The following GALNT18 variants were observed in gnomAD, a reference collection of about 807,000 sequenced individuals.
GALNT18 encodes the protein polypeptide N-acetylgalactosaminyltransferase 18.
GALNT18 carries 44 observed loss-of-function variants against 69.5 expected under a neutral mutation model. The ratio of observed to expected loss-of-function variants is 0.63; its 90% CI spans 0.50 to 0.81. The LOEUF is 0.81. Ranked by LOEUF, GALNT18 falls within the 40% of genes least tolerant of loss-of-function variation. The pLI, the probability that GALNT18 is intolerant of heterozygous loss-of-function variation, is 0.00. For synonymous variants in GALNT18, 364 were observed against 318.2 expected (o/e 1.14, Z -1.53); for missense variants, 715 against 810.0 (o/e 0.88, Z 1.42).
chr11:11,329,345 A>G (rs781245728), intron 8 of GALNT18, among the ~76,000 whole-genome samples: 1 of 152,062 alleles, frequency 6.6e-6, no homozygotes, highest in Non-Finnish European at 1.5e-5. Flanking sequence ...CATATGTCTC[A>G]CCTAATTCTC....
intron 10 of GALNT18, among the ~76,000 whole-genome samples, chr11:11,288,196 A>T (rs943371954): frequency 2.0e-5 from 3 of 152,124 alleles, no homozygotes; most frequent in Non-Finnish European, 4.4e-5. Context: ...AATGGCTTTC[A>T]ACAACCATCA....
At chr11:11,411,914 G>A (rs1056931550) in intron 3 of GALNT18, among the ~76,000 whole-genome samples, 6 of 152,160 alleles carry the variant, frequency 3.9e-5, no homozygotes, top group Non-Finnish European at 5.9e-5. Flanking sequence ...CACCCATATC[G>A]GTCAGCCACT....
chr11:11,479,803 A>T (rs908359706), intron 1 of GALNT18, among the ~76,000 whole-genome samples: 1 of 152,044 alleles, frequency 6.6e-6, no homozygotes, highest in Non-Finnish European at 1.5e-5. Context: ...TTGTGGACCA[A>T]TGTTTTCTTC....
intron 10 of GALNT18, among the ~76,000 whole-genome samples, chr11:11,273,561 T>C (rs1831780103): frequency 6.6e-6 from 1 of 152,176 alleles, no homozygotes; most frequent in South Asian, 2.1e-4. Context: ...GGTGAGGATG[T>C]AGAGAAAAGG....
chr11:11,493,534 TAAG>T (rs1373448996), intron 1 of GALNT18, among the ~76,000 whole-genome samples: 1 of 152,206 alleles, frequency 6.6e-6, no homozygotes, highest in Non-Finnish European at 1.5e-5. Flanking sequence ...GAGGAATTGT[TAAG>T]AGAATTACGG....
At position 11,562,363 on chromosome 11, in the gene GALNT18, T is replaced by C. The variant is rs1327376209; in HGVS notation, c.235+58996A>G. 6.6e-6 allele frequency among the ~76,000 whole-genome samples: 1 copy of C among 152,168 alleles called. No individual in the cohort carries two copies. Among genetic ancestry groups the C allele is most frequent in the Non-Finnish European group, 1.5e-5 (1 of 68,036 alleles). On this transcript the variant is annotated intron_variant, in intron 1 of 10. Transcript: ENST00000227756. The surrounding 1 kb of genome is among the most constrained non-coding windows in gnomAD (Gnocchi z 4.1). ...AGATGTGCACACCCGTCATATTGGA[T>C]TGGGGCCCACCCCAATGACCTCATT... is the stretch of plus-strand genomic sequence containing the variant.
intron 3 of GALNT18, among the ~76,000 whole-genome samples, chr11:11,407,683 AG>A (rs1285625114): frequency 1.3e-5 from 2 of 152,228 alleles, no homozygotes; most frequent in Non-Finnish European, 2.9e-5. Context: ...AGGACAAGGG[AG>A]CTGCAAAACT....
chr11:11,381,056 A>G (rs902105156), intron 3 of GALNT18, among the ~76,000 whole-genome samples: 7 of 152,114 alleles, frequency 4.6e-5, no homozygotes, highest in Non-Finnish European at 7.3e-5. Context: ...TACGGAAATG[A>G]CCTCAAGATC....
intron 3 of GALNT18, among the ~76,000 whole-genome samples, chr11:11,401,055 C>T (rs769745179): frequency 2.6e-5 from 4 of 152,092 alleles, no homozygotes; most frequent in Admixed American, 6.5e-5. Context: ...AGTAGTGAGA[C>T]GAGATCAGGG....
chr11:11,537,020 GC>G (rs1278454176), intron 1 of GALNT18, among the ~76,000 whole-genome samples: 1 of 152,246 alleles, frequency 6.6e-6, no homozygotes, highest in Non-Finnish European at 1.5e-5. Context: ...TGCACAGTGA[GC>G]AGAATGTTTT....
intron 1 of GALNT18, among the ~76,000 whole-genome samples, chr11:11,534,229 T>C (rs1216096667): frequency 2.0e-5 from 3 of 152,170 alleles, no homozygotes; most frequent in Non-Finnish European, 2.9e-5. Context: ...CAAACTCCAA[T>C]GGTGACTCCT....
chr11:11,451,363 A>G (rs1855794934), intron 1 of GALNT18, among the ~76,000 whole-genome samples: 1 of 152,274 alleles, frequency 6.6e-6, no homozygotes, highest in Non-Finnish European at 1.5e-5. Context: ...AGTGGATATT[A>G]CTAAGTAAAA....
intron 1 of GALNT18, among the ~76,000 whole-genome samples, chr11:11,566,609 A>T (rs186804675): frequency 6.6e-6 from 1 of 152,204 alleles, no homozygotes; most frequent in Non-Finnish European, 1.5e-5. Context: ...GGGAGATAAC[A>T]AGTATATATA....
intron 3 of GALNT18, among the ~76,000 whole-genome samples, chr11:11,429,367 T>A (rs1855213997): frequency 6.6e-6 from 1 of 152,226 alleles, no homozygotes. Context: ...CTTCTAACTT[T>A]CGGTTCTTTC....
rs557735268 is a variant in GALNT18, at chr11:11,543,008, T to G, written c.235+78351A>C. 3.3e-5 allele frequency among the ~76,000 whole-genome samples: 5 copies of G among 152,250 alleles called. No homozygotes were observed. Among genetic ancestry groups the G allele is most frequent in the East Asian group, 3.9e-4 (2 of 5,182 alleles). On this transcript the variant is annotated intron_variant, in intron 1 of 10. Coordinates refer to ENST00000227756, the MANE Select transcript of GALNT18 (RefSeq NM_198516.3). The surrounding 1 kb of genome is among the most constrained non-coding windows in gnomAD (Gnocchi z 5.1). ...TTCTACTGTGTGGAGAAAGAGTGAA[T>G]GATATGACCTTCCTCAAGGTTGTTT...
intron 5 of GALNT18, among the ~76,000 whole-genome samples, chr11:11,375,801 G>A (rs948079899): frequency 4.6e-5 from 7 of 152,324 alleles, no homozygotes; most frequent in Admixed American, 1.3e-4. Flanking sequence ...GGCAGGGGCC[G>A]AGCAGAGTAG....
At position 11,377,200 on chromosome 11, in the gene GALNT18, T is replaced by A. The variant is rs1240846751; in HGVS notation, c.959A>T (p.Asn320Ile). Residue 320 changes from asparagine to isoleucine, a missense_variant, in exon 5 of 11, where the codon AAC becomes ATC. By Grantham distance (149) the Asn-to-Ile change is moderately radical. Coordinates refer to ENST00000227756, the MANE Select transcript of GALNT18 (RefSeq NM_198516.3). The surrounding 1 kb of genome is among the most constrained non-coding windows in gnomAD (Gnocchi z 4.6). Reference sequence around the variant, plus strand: ...GCTTTACCTGATTGGCGCTGTGGAGTTCTCCAGCTTCCACCAGGCCTTGGG... The same window carrying A: ...GCTTTACCTGATTGGCGCTGTGGAGATCTCCAGCTTCCACCAGGCCTTGGG... ...NPPKAWWKLE[N>I]STAPIRSPAL... The A allele has an allele frequency of 1.2e-6, 2 of 1,612,438 alleles. No homozygotes were observed. Among genetic ancestry groups the A allele is most frequent in the South Asian group, 2.2e-5 (2 of 90,972 alleles).
Position 11,603,516 on chromosome 11 carries a change from C to A in GALNT18, c.235+17843G>T, listed in dbSNP as rs1269212002. Among the ~76,000 whole-genome samples the A allele has an allele frequency of 6.6e-6, 1 of 152,200 alleles. No homozygotes were observed. Among genetic ancestry groups the A allele is most frequent in the Non-Finnish European group, 1.5e-5 (1 of 68,036 alleles). ...TGAAATGATACACAGCACCCACCCC[C>A]TCAACCATCAGAGCAACATACCCTC... On this transcript the variant is annotated intron_variant, in intron 1 of 10. Transcript: ENST00000227756. The surrounding 1 kb of genome is among the most constrained non-coding windows in gnomAD (Gnocchi z 4.5).
Position 11,496,999 on chromosome 11 carries a change from G to A in GALNT18, c.236-48063C>T, listed in dbSNP as rs755238621. On this transcript the variant is annotated intron_variant, in intron 1 of 10. Coordinates refer to ENST00000227756, the MANE Select transcript of GALNT18 (RefSeq NM_198516.3). This position sits in a 1 kb window ranked among gnomAD's most constrained non-coding sequence, Gnocchi z 4.0. Reference sequence around the variant, plus strand: ...CACCGTGGTCTCCAAGGGCCTCATCGGTCCTGCTCATCCCATCCTTCTCTT... The same window carrying A: ...CACCGTGGTCTCCAAGGGCCTCATCAGTCCTGCTCATCCCATCCTTCTCTT... Among the ~76,000 whole-genome samples the A allele has an allele frequency of 2.6e-5, 4 of 152,064 alleles. No individual in the cohort carries two copies. The highest frequency in any genetic ancestry group is 7.2e-5 in the African/African-American group (3 of 41,382).
Sources: gnomAD v4.1 joint callset for allele counts (sites outside exome capture counted in the v4.1 genomes callset) on GRCh38, gnomAD v4.1.1 for gene constraint, Gnocchi (gnomAD v3.1) non-coding constraint, MANE v1.5 for transcripts, NCBI Gene and HGNC (gene_info 2026-07-23, HGNC 2026-07-21) for gene names.